Variants in IQCM observed in about 807,000 individuals in gnomAD.
IQCM encodes the protein IQ motif containing M.
A neutral mutation model predicts 57.6 loss-of-function variants in IQCM; 45 were observed. That is an observed-to-expected ratio of 0.78 (90% CI 0.62 to 1.00). The LOEUF (loss-of-function observed/expected upper bound fraction) is 1.00. Among genes scored for constraint, IQCM ranks in the 50% least tolerant of loss-of-function variants. The pLI is 0.00. For synonymous variants in IQCM, 148 were observed against 158.9 expected (o/e 0.93, Z 0.51); for missense variants, 468 against 511.6 (o/e 0.91, Z 0.82).
At chr4:149,671,411 A>G (rs1252406142) in intron 7 of IQCM, among the ~76,000 whole-genome samples, 1 of 151,858 alleles carries the variant, frequency 6.6e-6, no homozygotes, top group South Asian at 2.1e-4. Flanking sequence ...AATTGTGTTG[A>G]TCTTCTCAAA....
intron 12 of IQCM, among the ~76,000 whole-genome samples, chr4:149,461,837 GTA>G (rs541081902): frequency 4.0e-5 from 6 of 150,556 alleles, no homozygotes; most frequent in Non-Finnish European, 4.4e-5. Flanking sequence ...TATATAGTGT[GTA>G]TATATATATA....
intron 2 of IQCM, among the ~76,000 whole-genome samples, chr4:149,786,713 T>G (rs1772111575): frequency 6.6e-6 from 1 of 152,138 alleles, no homozygotes; most frequent in Admixed American, 6.5e-5. Flanking sequence ...GAAATAAGAA[T>G]GCTTTTACAC....
chr4:149,510,775 G>C (rs1030976730), intron 12 of IQCM, among the ~76,000 whole-genome samples: 1 of 151,970 alleles, frequency 6.6e-6, no homozygotes, highest in African/African-American at 2.4e-5. Context: ...AATTAGACTG[G>C]GGTTATGTGT....
intron 5 of IQCM, among the ~76,000 whole-genome samples, chr4:149,722,241 G>C (rs1336398692): frequency 6.6e-6 from 1 of 152,026 alleles, no homozygotes; most frequent in Non-Finnish European, 1.5e-5. Context: ...CCATTCTGTA[G>C]TTTATCTGTT....
chr4:149,422,227 T>C (rs2111222434), intron 13 of IQCM, among the ~76,000 whole-genome samples: 1 of 152,054 alleles, frequency 6.6e-6, no homozygotes, highest in South Asian at 2.1e-4. Flanking sequence ...TTAATATGTG[T>C]AGTTGGAAAA....
At chr4:149,665,486 T>C (rs1760635133) in intron 7 of IQCM, among the ~76,000 whole-genome samples, 1 of 152,142 alleles carries the variant, frequency 6.6e-6, no homozygotes, top group Non-Finnish European at 1.5e-5. Context: ...TATACATCCA[T>C]GCTCCACAGA....
intron 7 of IQCM, among the ~76,000 whole-genome samples, chr4:149,645,972 C>T (rs1222368556): frequency 6.6e-6 from 1 of 152,144 alleles, no homozygotes; most frequent in Non-Finnish European, 1.5e-5. Flanking sequence ...TGCTTGCAAC[C>T]CAGAGGAATA....
At chr4:149,425,562 G>C (rs1178896881) in intron 13 of IQCM, among the ~76,000 whole-genome samples, 1 of 151,934 alleles carries the variant, frequency 6.6e-6, no homozygotes, top group African/African-American at 2.4e-5. Flanking sequence ...CAAGTAAATA[G>C]AGGAAATTTG....
intron 7 of IQCM, among the ~76,000 whole-genome samples, chr4:149,645,812 A>G (rs1758585972): frequency 6.6e-6 from 1 of 151,506 alleles, no homozygotes; most frequent in Non-Finnish European, 1.5e-5. Flanking sequence ...GTGGCACCCA[A>G]CTCCCTCTCC....
intron 12 of IQCM, among the ~76,000 whole-genome samples, chr4:149,484,946 G>T (rs187439816): frequency 8.2e-4 from 124 of 152,060 alleles, no homozygotes; most frequent in Non-Finnish European, 1.6e-3. Flanking sequence ...ATGCCTGAAG[G>T]ATATTTTCAC....
chr4:149,538,018 T>TTA (rs1365708048), intron 12 of IQCM, among the ~76,000 whole-genome samples: 3 of 151,378 alleles, frequency 2.0e-5, no homozygotes, highest in East Asian at 1.9e-4. Flanking sequence ...GTAAATGTAT[T>TTA]TATATATATA....
At chr4:149,354,988 A>G (rs1410180179) in intron 13 of IQCM, among the ~76,000 whole-genome samples, 1 of 152,152 alleles carries the variant, frequency 6.6e-6, no homozygotes, top group African/African-American at 2.4e-5. Flanking sequence ...TTTCTGTAAA[A>G]GTAGAATAAT....
intron 5 of IQCM, among the ~76,000 whole-genome samples, chr4:149,715,908 T>C (rs1367090508): frequency 1.3e-5 from 2 of 152,186 alleles, no homozygotes; most frequent in Non-Finnish European, 2.9e-5. Context: ...AGATAGGTCT[T>C]CCTGTCCTCT....
At chr4:149,645,822 C>T (rs1231557440) in intron 7 of IQCM, among the ~76,000 whole-genome samples, 1 of 152,072 alleles carries the variant, frequency 6.6e-6, no homozygotes, top group East Asian at 1.9e-4. Flanking sequence ...ACTCCCTCTC[C>T]TCACCTATCC....
At chr4:149,609,233 A>G (rs1272374424) in intron 8 of IQCM, among the ~76,000 whole-genome samples, 1 of 151,816 alleles carries the variant, frequency 6.6e-6, no homozygotes, top group South Asian at 2.1e-4. Flanking sequence ...GTATTGAGAT[A>G]GAAGCAGTAA....
intron 12 of IQCM, among the ~76,000 whole-genome samples, chr4:149,530,805 C>CCA (rs1746664492): frequency 2.8e-4 from 1 of 3,556 alleles, no homozygotes; most frequent in Non-Finnish European, 9.2e-4. Flanking sequence ...ACCCCCCCAC[C>CCA]CCCCCCCCAC....
chr4:149,567,394 C>A (rs562549769), intron 9 of IQCM, among the ~76,000 whole-genome samples: 2 of 151,734 alleles, frequency 1.3e-5, no homozygotes, highest in Non-Finnish European at 2.9e-5. Context: ...TCACCCAGGC[C>A]GGAGTGCAGC....
At chr4:149,590,247 CTTTTTTT>C (rs71596214) in intron 8 of IQCM, among the ~76,000 whole-genome samples, 38 of 73,610 alleles carry the variant, frequency 5.2e-4, no homozygotes, top group South Asian at 2.4e-3. Flanking sequence ...TTTTTCTTTC[CTTTTTTT>C]TTTTTTTTTT....
At chr4:149,591,605 C>G (rs1435042079) in intron 8 of IQCM, among the ~76,000 whole-genome samples, 7 of 152,016 alleles carry the variant, frequency 4.6e-5, no homozygotes, top group African/African-American at 9.7e-5. Flanking sequence ...CTCCCCTCTC[C>G]TCCCACCCCA....
Sources: allele counts gnomAD v4.1 joint callset (sites outside exome capture counted in the v4.1 genomes callset), GRCh38; gene constraint gnomAD v4.1.1; transcripts MANE v1.5; gene names NCBI Gene and HGNC (gene_info 2026-07-23, HGNC 2026-07-21).